SH3KBP1: variants seen among roughly 807,000 people sequenced by gnomAD.
The protein encoded by SH3KBP1 is SH3 domain containing kinase binding protein 1.
Under a neutral mutation model 50.1 loss-of-function variants are expected in SH3KBP1, and 8 were observed. The ratio of observed to expected loss-of-function variants is 0.16; its 90% CI spans 0.09 to 0.29. The LOEUF (loss-of-function observed/expected upper bound fraction) is 0.29. SH3KBP1 is among the 10% of genes least tolerant of loss of function. The pLI is 1.00. For missense variants in SH3KBP1, 377 were observed against 535.2 expected (o/e 0.70, Z 2.92); for synonymous variants, 227 against 218.6 (o/e 1.04, Z -0.34).
At position 19,643,300 on chromosome X, in the gene SH3KBP1, A is replaced by ATTTTTTTTTTT. The variant is rs201544483; in HGVS notation, c.802+2099_802+2100insAAAAAAAAAAA. Among the ~76,000 whole-genome samples the ATTTTTTTTTTT allele has an allele frequency of 3.6e-4, 31 of 86,881 alleles. 6 individuals carry two copies. The highest frequency in any genetic ancestry group is 9.2e-4 in the African/African-American group (16 of 17,422). 75.4% of individuals were successfully genotyped at this position (86,881 alleles called of 115,157 possible). The stretch of plus-strand genomic sequence containing the variant: ...AGTGTGTGTGGGCTGAAACTGAAGA[A>ATTTTTTTTTTT]TTTTTTATTTTTTTTTTTTTTATTT... On this transcript the variant is annotated intron_variant, in intron 7 of 17. Coordinates refer to ENST00000397821, the MANE Select transcript of SH3KBP1 (RefSeq NM_031892.3).
chrX:19,878,497 TGTGTGTGTGA>T (rs1195603045), intron 1 of SH3KBP1, among the ~76,000 whole-genome samples: 9 of 82,290 alleles, frequency 1.1e-4, no homozygotes. Context: ...TGTGTGTGTG[TGTGTGTGTGA>T]GAGAGAGAGA....
At chrX:19,596,441 C>A (rs774637620) in intron 9 of SH3KBP1, among the ~76,000 whole-genome samples, 30 of 111,953 alleles carry the variant, frequency 2.7e-4, no homozygotes, top group Non-Finnish European at 4.1e-4. Context: ...GAGGGTCTTG[C>A]CTCAATGTTG....
chrX:19,619,119 T>C (rs2067721585), intron 8 of SH3KBP1, among the ~76,000 whole-genome samples: 1 of 110,346 alleles, frequency 9.1e-6, no homozygotes, highest in Non-Finnish European at 1.9e-5. Flanking sequence ...CTACTAAAAA[T>C]ACAAAAATTA....
intron 2 of SH3KBP1, among the ~76,000 whole-genome samples, chrX:19,812,540 A>C (rs1294917212): frequency 1.8e-5 from 2 of 110,461 alleles, no homozygotes; most frequent in African/African-American, 6.6e-5. Flanking sequence ...TCCTTCAAGA[A>C]AGAACTTGGC....
At position 19,624,757 on chromosome X, in the gene SH3KBP1, G is replaced by T. The variant is rs375278991; in HGVS notation, c.897+7107C>A. On this transcript the variant is annotated intron_variant, in intron 8 of 17. Coordinates refer to ENST00000397821, the MANE Select transcript of SH3KBP1 (RefSeq NM_031892.3). ...GAGGAGGAGATATATTGTGACTTTT[G>T]TCTAGAATAAGGACATAAGCAGTCT... 3.6e-5 allele frequency among the ~76,000 whole-genome samples: 4 copies of T among 112,187 alleles called. No individual in the cohort carries two copies. In the East Asian group the frequency reaches 8.3e-4, roughly 23 times the overall value.
Position 19,694,393 on chromosome X carries a change from G to A in SH3KBP1, c.520+1219C>T, listed in dbSNP as rs544541109. On this transcript the variant is annotated intron_variant, in intron 5 of 17. Transcript: ENST00000397821. ...TCTCCCCTCCCAGTAGTACTCATCAGCTGGGCCATGTTAATAGAGAATCCC... is the reference window on the plus strand; with the variant it reads ...TCTCCCCTCCCAGTAGTACTCATCAACTGGGCCATGTTAATAGAGAATCCC... Among the ~76,000 whole-genome samples, 11 of 111,183 alleles carry A rather than the reference G, an allele frequency of 9.9e-5. No individual in the cohort carries two copies. In the South Asian group the frequency reaches 4.2e-3, roughly 43 times the overall value.
intron 1 of SH3KBP1, among the ~76,000 whole-genome samples, chrX:19,850,413 A>T (rs1021965151): frequency 2.7e-5 from 3 of 111,214 alleles, no homozygotes; most frequent in Non-Finnish European, 5.7e-5. Context: ...CGAACTCCTG[A>T]ACTCAAGTGA....
At chrX:19,842,855 G>A (rs989508398) in intron 1 of SH3KBP1, among the ~76,000 whole-genome samples, 4 of 110,619 alleles carry the variant, frequency 3.6e-5, no homozygotes, top group Non-Finnish European at 5.7e-5. Context: ...CTGCCCAGTT[G>A]CCATCTTTCT....
intron 13 of SH3KBP1, among the ~76,000 whole-genome samples, chrX:19,555,589 A>G (rs757096197): frequency 2.8e-4 from 31 of 112,276 alleles, no homozygotes; most frequent in African/African-American, 9.4e-4. Context: ...GCTTTAGGAT[A>G]TAAGTTTGCT....
intron 6 of SH3KBP1, among the ~76,000 whole-genome samples, chrX:19,682,911 A>C (rs1017086010): frequency 1.9e-5 from 2 of 107,937 alleles, no homozygotes; most frequent in Non-Finnish European, 3.8e-5. Flanking sequence ...AAAAAAAAAG[A>C]AAGAAAAAAA....
chrX:19,866,598 G>A (rs2068915514), intron 1 of SH3KBP1, among the ~76,000 whole-genome samples: 1 of 108,511 alleles, frequency 9.2e-6, no homozygotes, highest in Admixed American at 9.9e-5. Flanking sequence ...GCTGAGGCAG[G>A]AAGATCGCTT....
chrX:19,657,618 C>T (rs945968470), intron 6 of SH3KBP1, among the ~76,000 whole-genome samples: 2 of 106,545 alleles, frequency 1.9e-5, no homozygotes, highest in African/African-American at 6.9e-5. Context: ...ATCCCATCTA[C>T]GCGGGAGGCT....
At chrX:19,837,306 A>G (rs1235444613) in intron 1 of SH3KBP1, among the ~76,000 whole-genome samples, 1 of 111,724 alleles carries the variant, frequency 9.0e-6, no homozygotes, top group Non-Finnish European at 1.9e-5. Flanking sequence ...CTTGGTAATG[A>G]GCAAAGGCAA....
At chrX:19,767,314 A>C (rs2065650036) in intron 2 of SH3KBP1, among the ~76,000 whole-genome samples, 1 of 111,839 alleles carries the variant, frequency 8.9e-6, no homozygotes, top group Admixed American at 9.5e-5. Context: ...GAAAATTCCA[A>C]ATTTTCTCCC....
At chrX:19,682,808 C>T (rs1444627406) in intron 6 of SH3KBP1, among the ~76,000 whole-genome samples, 3 of 107,206 alleles carry the variant, frequency 2.8e-5, no homozygotes, top group Non-Finnish European at 5.8e-5. Context: ...TGCATGATGA[C>T]ACTGGGCAAG....
intron 6 of SH3KBP1, among the ~76,000 whole-genome samples, chrX:19,658,625 C>T (rs777765714): frequency 3.7e-5 from 4 of 109,242 alleles, no homozygotes; most frequent in East Asian, 2.9e-4. Context: ...AGTGCAGTGG[C>T]GCGATCTCAG....
At chrX:19,653,754 A>G (rs1379649743) in intron 6 of SH3KBP1, among the ~76,000 whole-genome samples, 1 of 93,407 alleles carries the variant, frequency 1.1e-5, no homozygotes, top group East Asian at 3.7e-4. Context: ...ACATATATAT[A>G]TGTCTAAATA....
intron 13 of SH3KBP1, among the ~76,000 whole-genome samples, chrX:19,552,157 T>C (rs1382226156): frequency 8.9e-6 from 1 of 112,360 alleles, no homozygotes; most frequent in East Asian, 2.8e-4. Flanking sequence ...AATATTTTAA[T>C]TGTTGTTGCA....
At chrX:19,562,767 T>G (rs905175139) in intron 13 of SH3KBP1, among the ~76,000 whole-genome samples, 12 of 111,591 alleles carry the variant, frequency 1.1e-4, no homozygotes, top group Non-Finnish European at 1.9e-4. Flanking sequence ...CTAGCCTCTG[T>G]GACCCTCTCC....
Sources: allele counts gnomAD v4.1 joint callset (sites outside exome capture counted in the v4.1 genomes callset), GRCh38; gene constraint gnomAD v4.1.1; transcripts MANE v1.5; gene names NCBI Gene and HGNC (gene_info 2026-07-23, HGNC 2026-07-21).